SUPT3H: variants seen among roughly 807,000 people sequenced by gnomAD.
The protein encoded by SUPT3H is SPT3 homolog, SAGA and STAGA complex component.
SUPT3H carries 44 observed loss-of-function variants against 44.3 expected under a neutral mutation model. The observed-to-expected ratio is 0.99, with a 90% CI of 0.78 to 1.28. The LOEUF is 1.28. Ranked by LOEUF, SUPT3H falls within the 50% of genes most tolerant of loss-of-function variation. The pLI is 0.00. For synonymous variants in SUPT3H, 124 were observed against 125.6 expected (o/e 0.99, Z 0.09); for missense variants, 380 against 387.1 (o/e 0.98, Z 0.15).
chr6:45,190,178 G>C (rs1814893891), intron 2 of SUPT3H, among the ~76,000 whole-genome samples: 2 of 152,048 alleles, frequency 1.3e-5, no homozygotes, highest in South Asian at 4.1e-4. Flanking sequence ...CTCTCCAAGT[G>C]ATAATATATA....
rs537044783 is a variant in SUPT3H, at chr6:45,229,979, C to T, written c.102-123973G>A. Reference sequence around the variant, plus strand: ...ACCAACCTCTATTCATGGTCCCTTTCCCCCACCCTCCCAACTTACCCTGTC... The same window carrying T: ...ACCAACCTCTATTCATGGTCCCTTTTCCCCACCCTCCCAACTTACCCTGTC... On this transcript the variant is annotated intron_variant, in intron 2 of 10. Transcript: ENST00000371459. 2.0e-4 allele frequency among the ~76,000 whole-genome samples: 30 copies of T among 152,230 alleles called. 1 individual carries two copies. Among genetic ancestry groups the T allele is most frequent in the Non-Finnish European group, 3.4e-4 (23 of 67,988 alleles).
At chr6:45,170,520 C>G (rs1471389156) in intron 2 of SUPT3H, among the ~76,000 whole-genome samples, 1 of 152,126 alleles carries the variant, frequency 6.6e-6, no homozygotes, top group Admixed American at 6.5e-5. Flanking sequence ...ATCAGTTCAG[C>G]GAAATTCTGT....
chr6:44,892,251 T>C (rs563747496), intron 10 of SUPT3H, among the ~76,000 whole-genome samples: 47 of 152,190 alleles, frequency 3.1e-4, no homozygotes, highest in African/African-American at 1.1e-3. Context: ...TGAGCTCATA[T>C]GGTTAGGGCT....
At chr6:45,345,251 T>C (rs1790609183) in intron 2 of SUPT3H, among the ~76,000 whole-genome samples, 1 of 152,230 alleles carries the variant, frequency 6.6e-6, no homozygotes, top group African/African-American at 2.4e-5. Flanking sequence ...TGTTAAAGAC[T>C]GTAAAATGTC....
intron 10 of SUPT3H, among the ~76,000 whole-genome samples, chr6:44,917,145 C>T (rs183389752): frequency 6.6e-6 from 1 of 151,830 alleles, no homozygotes; most frequent in Non-Finnish European, 1.5e-5. Flanking sequence ...CAGAGTGAGA[C>T]CCTGTCTCAA....
intron 6 of SUPT3H, among the ~76,000 whole-genome samples, chr6:45,001,654 C>T (rs1782024327): frequency 6.6e-6 from 1 of 151,940 alleles, no homozygotes; most frequent in African/African-American, 2.4e-5. Flanking sequence ...TAAAATTAAG[C>T]CTGTTGGTAG....
intron 2 of SUPT3H, among the ~76,000 whole-genome samples, chr6:45,179,100 C>G (rs147931031): frequency 0.23 from 34,409 of 151,918 alleles, 4,558 homozygotes; most frequent in Non-Finnish European, 0.31. Flanking sequence ...ACTACAAACA[C>G]CTCTACGCAA....
intron 2 of SUPT3H, among the ~76,000 whole-genome samples, chr6:45,317,227 CAAAAAAAAAA>C (rs70996324): frequency 2.2e-4 from 8 of 36,084 alleles, no homozygotes; most frequent in East Asian, 8.9e-4. Context: ...GACTCTGTCT[CAAAAAAAAAA>C]AAAAAAAAAA....
At chr6:45,169,018 T>C (rs1209785642) in intron 2 of SUPT3H, among the ~76,000 whole-genome samples, 1 of 152,206 alleles carries the variant, frequency 6.6e-6, no homozygotes, top group African/African-American at 2.4e-5. Flanking sequence ...CTGATTTTAA[T>C]GTAGTGATGA....
chr6:45,192,594 TAA>T (rs1196315017), intron 2 of SUPT3H, among the ~76,000 whole-genome samples: 1 of 152,146 alleles, frequency 6.6e-6, no homozygotes, highest in Admixed American at 6.5e-5. Flanking sequence ...GCTATTTAAA[TAA>T]AGTGTTCTTA....
intron 2 of SUPT3H, among the ~76,000 whole-genome samples, chr6:45,140,833 C>T (rs996451870): frequency 2.0e-5 from 3 of 152,106 alleles, no homozygotes; most frequent in African/African-American, 7.2e-5. Flanking sequence ...TCTCAGGAAG[C>T]CCCATTCCTA....
At chr6:44,890,857 A>C (rs1763190713) in intron 10 of SUPT3H, among the ~76,000 whole-genome samples, 2 of 152,070 alleles carry the variant, frequency 1.3e-5, no homozygotes, top group Admixed American at 6.6e-5. Flanking sequence ...ACATGGATGA[A>C]GCTAGAAACT....
intron 2 of SUPT3H, among the ~76,000 whole-genome samples, chr6:45,268,698 G>A (rs1026957216): frequency 6.6e-6 from 1 of 151,904 alleles, no homozygotes; most frequent in South Asian, 2.1e-4. Context: ...AGAAGAATGT[G>A]TACACATAGA....
chr6:44,988,889 G>A (rs542424498), intron 6 of SUPT3H, among the ~76,000 whole-genome samples: 1 of 152,150 alleles, frequency 6.6e-6, no homozygotes, highest in Admixed American at 6.6e-5. Context: ...CTTAAATAAA[G>A]TGTGGCTTCT....
At chr6:44,903,139 A>G (rs1258337157) in intron 10 of SUPT3H, among the ~76,000 whole-genome samples, 1 of 152,206 alleles carries the variant, frequency 6.6e-6, no homozygotes, top group African/African-American at 2.4e-5. Context: ...GCAAGAGCAA[A>G]CAAATTCAAA....
At chr6:45,048,812 C>G (rs2153534662) in intron 3 of SUPT3H, among the ~76,000 whole-genome samples, 1 of 151,952 alleles carries the variant, frequency 6.6e-6, no homozygotes, top group Non-Finnish European at 1.5e-5. Flanking sequence ...GCCACATGAT[C>G]TCATATGTGG....
intron 6 of SUPT3H, among the ~76,000 whole-genome samples, chr6:44,992,371 A>T (rs1315804472): frequency 6.6e-6 from 1 of 152,170 alleles, no homozygotes; most frequent in East Asian, 1.9e-4. Flanking sequence ...GGCCTGCATC[A>T]TGCATCACCA....
At chr6:44,938,564 T>C (rs1038859169) in intron 9 of SUPT3H, among the ~76,000 whole-genome samples, 8 of 152,174 alleles carry the variant, frequency 5.3e-5, no homozygotes, top group African/African-American at 1.9e-4. Context: ...GAGCACTTTT[T>C]TGGTTCCATA....
intron 2 of SUPT3H, among the ~76,000 whole-genome samples, chr6:45,147,164 G>T (rs1402424142): frequency 1.3e-5 from 2 of 152,108 alleles, no homozygotes; most frequent in Non-Finnish European, 2.9e-5. Context: ...AAGTAGGTGA[G>T]CGAGAAATCT....
Sources: gnomAD v4.1 joint callset for allele counts (sites outside exome capture counted in the v4.1 genomes callset) on GRCh38, gnomAD v4.1.1 for gene constraint, MANE v1.5 for transcripts, NCBI Gene and HGNC (gene_info 2026-07-23, HGNC 2026-07-21) for gene names.